SPEF2: variants seen among roughly 807,000 people sequenced by gnomAD.
SPEF2 encodes sperm flagellar and cilia associated 2, also known as sperm flagella and cilia-associated protein 2.
A neutral mutation model predicts 224.6 loss-of-function variants in SPEF2; 187 were observed. That is an observed-to-expected ratio of 0.83 (90% CI 0.74 to 0.94). The LOEUF (loss-of-function observed/expected upper bound fraction) is 0.94. SPEF2 is among the 40% of genes least tolerant of loss of function. The probability of loss-of-function intolerance (pLI) is 0.00; values close to 1 mark genes in which losing one functional copy is unlikely to be tolerated. For synonymous variants in SPEF2, 715 were observed against 707.3 expected, an observed-to-expected ratio of 1.01 and a Z score of -0.17; for missense variants, 2,170 against 2,135.6, an observed-to-expected ratio of 1.02 and a Z score of -0.32.
At chr5:35,708,571 A>C in intron 18 of SPEF2, among the ~76,000 whole-genome samples, 1 of 151,816 alleles carries the variant, frequency 6.6e-6, no homozygotes, top group Non-Finnish European at 1.5e-5. Flanking sequence ...CCACTACCAC[A>C]CCACCACCAT....
intron 14 of SPEF2, 64 bp downstream of exon 14, chr5:35,695,860 T>C: frequency 7.8e-7 from 1 of 1,288,494 alleles, no homozygotes; most frequent in Non-Finnish European, 1.1e-6. Flanking sequence ...AATGGTGTTT[T>C]GGAGTGTCTT....
intron 21 of SPEF2, among the ~76,000 whole-genome samples, chr5:35,729,335 A>T (rs943169529): frequency 6.6e-6 from 1 of 152,140 alleles, no homozygotes; most frequent in African/African-American, 2.4e-5. Flanking sequence ...GCCTCAAGAG[A>T]ACTTCTGCAC....
intron 23 of SPEF2, among the ~76,000 whole-genome samples, chr5:35,741,630 G>A (rs183196279): frequency 2.0e-5 from 3 of 152,278 alleles, no homozygotes; most frequent in Admixed American, 2.0e-4. Flanking sequence ...AAAACAGCAG[G>A]AAGACACGTT....
chr5:35,698,041 G>A (rs1046753778), intron 15 of SPEF2: 2 of 267,948 alleles, frequency 7.5e-6, no homozygotes, highest in East Asian at 1.5e-4. Context: ...ATTACCTGTG[G>A]GGAATTCAAT....
At chr5:35,632,579 C>T (rs1364696296) in intron 2 of SPEF2, among the ~76,000 whole-genome samples, 1 of 152,142 alleles carries the variant, frequency 6.6e-6, no homozygotes, top group African/African-American at 2.4e-5. Context: ...TATTTCTGTT[C>T]TTATTGTCAT....
Position 35,715,816 on chromosome 5 carries a change from C to CTTTTTT in SPEF2, c.2914+2942_2914+2947dup, listed in dbSNP as rs1554040257. On this transcript the variant is annotated intron_variant, in intron 20 of 36. Transcript: ENST00000356031. Reference sequence around the variant, plus strand: ...TCTGTGAAATAGGGGGATATAATTTCTTTTTTTTTTTTTTTTTGAGACAGA... The same window carrying CTTTTTT: ...TCTGTGAAATAGGGGGATATAATTTCTTTTTTTTTTTTTTTTTTTTTTTGAGACAGA... Among the ~76,000 whole-genome samples, 82 of 117,740 alleles carry CTTTTTT rather than the reference C, an allele frequency of 7.0e-4. 1 individual carries two copies. Among genetic ancestry groups the CTTTTTT allele is most frequent in the South Asian group, 7.8e-4 (3 of 3,842 alleles). The allele number at this position is 117,740 out of a possible 152,430, so 77.2% of individuals were successfully genotyped here. A position where few individuals can be genotyped will look rare whatever the true frequency, so the allele number is the denominator to read the frequency against.
In SPEF2 at chr5:35,696,584, G is replaced by C. The variant is rs1755353831; in HGVS notation, c.2037+788G>C. Among the ~76,000 whole-genome samples the C allele has an allele frequency of 2.6e-5, 4 of 152,140 alleles. No individual in the cohort carries two copies. In the South Asian group the frequency reaches 8.3e-4, roughly 31 times the overall value. ...CAATTCAATTCCAAGAGCATACATT[G>C]TTTTGTACACTGTTTTAATAACTTG... On this transcript the variant is annotated intron_variant, in intron 14 of 36. Transcript: ENST00000356031.
intron 30 of SPEF2, chr5:35,791,376 T>C (rs1315787720): frequency 4.6e-5 from 7 of 152,220 alleles, no homozygotes; most frequent in Admixed American, 4.6e-4. Flanking sequence ...AGAAGGATTA[T>C]TGCATTTCCC....
At chr5:35,782,920 A>C (rs1754544777) in intron 30 of SPEF2, among the ~76,000 whole-genome samples, 1 of 152,200 alleles carries the variant, frequency 6.6e-6, no homozygotes, top group Admixed American at 6.5e-5. Context: ...TATTAACACA[A>C]ATATACCAGA....
At chr5:35,668,474 G>C (rs1380180568) in intron 9 of SPEF2, among the ~76,000 whole-genome samples, 1 of 152,132 alleles carries the variant, frequency 6.6e-6, no homozygotes, top group Non-Finnish European at 1.5e-5. Context: ...ACTGAGAACA[G>C]ATTAGTGATT....
chr5:35,646,834 C>T, intron 5 of SPEF2, 27 bp downstream of exon 5: 1 of 1,606,936 alleles, frequency 6.2e-7, no homozygotes, highest in Non-Finnish European at 8.5e-7. Flanking sequence ...TAATATTGTG[C>T]TGTGTTTATC....
chr5:35,703,113 T>A (rs372577007), intron 16 of SPEF2, among the ~76,000 whole-genome samples: 64 of 151,188 alleles, frequency 4.2e-4, no homozygotes, highest in African/African-American at 1.2e-3. Context: ...TTTTTTTTTT[T>A]ATTCTCTCTT....
intron 8 of SPEF2, among the ~76,000 whole-genome samples, chr5:35,664,053 C>G (rs1750093990): frequency 6.6e-6 from 1 of 152,156 alleles, no homozygotes; most frequent in Admixed American, 6.5e-5. Context: ...TACTTTGCCC[C>G]TCTTCCCAAG....
rs1753853595 is a variant in SPEF2 at position 35,687,763 on chromosome 5, A to G, written c.1525-3274A>G. Among the ~76,000 whole-genome samples the G allele has an allele frequency of 3.3e-5, 5 of 152,288 alleles. No homozygotes were observed. In the South Asian group the frequency reaches 1.0e-3, roughly 32 times the overall value. ...ACATTAAGTTAGATTAATTTGGAGG[A>G]GAATTAAATGGTTTATAATTTTGAA... On this transcript the variant is annotated intron_variant, in intron 10 of 36. Transcript: ENST00000356031.
At chr5:35,702,653 G>A (rs7715524) in intron 16 of SPEF2, among the ~76,000 whole-genome samples, 3,012 of 152,146 alleles carry the variant, frequency 0.02, 107 homozygotes, top group African/African-American at 0.069. Flanking sequence ...TAGTGTATGC[G>A]TTTTTTGGCA....
chr5:35,620,767 A>T (rs780600005), intron 1 of SPEF2, among the ~76,000 whole-genome samples: 11 of 152,230 alleles, frequency 7.2e-5, no homozygotes, highest in Non-Finnish European at 1.0e-4. Flanking sequence ...GTCAAGTAAA[A>T]ACCAAAAGTT....
rs758976283 is a variant in SPEF2 at position 35,691,275 on chromosome 5, C to G, written c.1744+19C>G. On this transcript the variant is annotated intron_variant, in intron 11 of 36. Coordinates refer to ENST00000356031, the MANE Select transcript of SPEF2 (RefSeq NM_024867.4). ...CAAAAAGGTAGAATTTCTTCTCCTA[C>G]TCTCCCTGCCATTAGGTCCTATTTA... 1 of 1,593,018 alleles carries G rather than the reference C, an allele frequency of 6.3e-7. No individual in the cohort carries two copies. Among genetic ancestry groups the G allele is most frequent in the Non-Finnish European group, 8.6e-7 (1 of 1,162,392 alleles).
chr5:35,710,424 G>T (rs1226783760), intron 19 of SPEF2: 35 of 492,152 alleles, frequency 7.1e-5, no homozygotes, highest in Non-Finnish European at 8.7e-5. Context: ...GGGCGTGGTG[G>T]CAGGCACCTG....
intron 10 of SPEF2, among the ~76,000 whole-genome samples, chr5:35,681,798 T>A (rs1317384176): frequency 6.6e-6 from 1 of 152,170 alleles, no homozygotes; most frequent in Non-Finnish European, 1.5e-5. Flanking sequence ...CAAAAATGTT[T>A]GAAAGCCACT....
Sources: allele counts gnomAD v4.1 joint callset (sites outside exome capture counted in the v4.1 genomes callset), GRCh38; gene constraint gnomAD v4.1.1; transcripts MANE v1.5; gene names NCBI Gene and HGNC (gene_info 2026-07-23, HGNC 2026-07-21).